The following CNTN1 variants were observed in gnomAD, a reference collection of about 807,000 sequenced individuals.
CNTN1 encodes contactin-1.
A neutral mutation model predicts 126.4 loss-of-function variants in CNTN1; 38 were observed. The observed-to-expected ratio is 0.30, with a 90% CI of 0.23 to 0.39. The LOEUF (loss-of-function observed/expected upper bound fraction) is 0.39, where lower values mean the gene tolerates loss of function less well. CNTN1 is among the 10% of genes least tolerant of loss of function. CNTN1 has a pLI of 1.00. For synonymous variants in CNTN1, 413 were observed against 422.6 expected (o/e 0.98, Z 0.28); for missense variants, 1,009 against 1,248.4 (o/e 0.81, Z 2.89).
intron 1 of CNTN1, among the ~76,000 whole-genome samples, chr12:40,789,737 C>G (rs1024926074): frequency 6.6e-6 from 1 of 152,078 alleles, no homozygotes; most frequent in African/African-American, 2.4e-5. Context: ...GAATTTTGAA[C>G]TTTTCCATGT....
intron 1 of CNTN1, among the ~76,000 whole-genome samples, chr12:40,761,887 GGATAACT>G (rs1359945911): frequency 1.3e-5 from 2 of 151,894 alleles, no homozygotes; most frequent in Non-Finnish European, 2.9e-5. Context: ...TGGCAATGCA[GGATAACT>G]GATTTCTCTG....
At chr12:40,762,370 G>A (rs1022641590) in intron 1 of CNTN1, among the ~76,000 whole-genome samples, 1 of 123,196 alleles carries the variant, frequency 8.1e-6, no homozygotes, top group African/African-American at 3.0e-5. Flanking sequence ...AAATCATGAT[G>A]ATAAGACAAG....
intron 23 of CNTN1, among the ~76,000 whole-genome samples, chr12:41,050,319 G>C (rs1317642753): frequency 6.6e-6 from 1 of 152,176 alleles, no homozygotes; most frequent in East Asian, 1.9e-4. Context: ...AAAGAAAAGA[G>C]GTTTAATTGA....
intron 1 of CNTN1, among the ~76,000 whole-genome samples, chr12:40,838,115 T>C (rs1221913746): frequency 6.6e-6 from 1 of 152,190 alleles, no homozygotes; most frequent in Non-Finnish European, 1.5e-5. Context: ...CAGCCCGGCA[T>C]TGCATCTGCA....
rs561513009 is a variant in CNTN1 at position 40,869,252 on chromosome 12, C to T, written c.-76-39105C>T. Among the ~76,000 whole-genome samples, 74 of 150,094 alleles carry T rather than the reference C, an allele frequency of 4.9e-4. 1 individual carries two copies. In the South Asian group the frequency reaches 8.7e-3, roughly 18 times the overall value. ...GAAAAAAAATAAGGATGACAGGATACTAGATCCATCATTTCATTCCTCTTT... is the reference window on the plus strand; with the variant it reads ...GAAAAAAAATAAGGATGACAGGATATTAGATCCATCATTTCATTCCTCTTT... On this transcript the variant is annotated intron_variant, in intron 1 of 23. Transcript: ENST00000551295.
At chr12:40,956,242 C>A (rs1022788228) in intron 14 of CNTN1, among the ~76,000 whole-genome samples, 4 of 151,986 alleles carry the variant, frequency 2.6e-5, no homozygotes, top group Admixed American at 1.3e-4. Flanking sequence ...GAGAAGACAG[C>A]GCATACAGCT....
At chr12:40,993,889 G>C (rs2120513420) in intron 17 of CNTN1, among the ~76,000 whole-genome samples, 1 of 152,196 alleles carries the variant, frequency 6.6e-6, no homozygotes, top group Non-Finnish European at 1.5e-5. Context: ...TTCTAGATAT[G>C]ATCTTAAGTA....
At chr12:40,715,378 G>C (rs961440368) in intron 1 of CNTN1, among the ~76,000 whole-genome samples, 1 of 152,076 alleles carries the variant, frequency 6.6e-6, no homozygotes, top group African/African-American at 2.4e-5. Context: ...ATTAATGGGA[G>C]AAAAGAACAA....
chr12:41,032,979 G>A (rs1335336540), intron 23 of CNTN1, among the ~76,000 whole-genome samples: 1 of 152,084 alleles, frequency 6.6e-6, no homozygotes, highest in African/African-American at 2.4e-5. Flanking sequence ...AATAACTTGG[G>A]CAACTTAAAA....
chr12:41,051,517 A>C (rs1949681736), intron 23 of CNTN1, among the ~76,000 whole-genome samples: 1 of 151,764 alleles, frequency 6.6e-6, no homozygotes, highest in Non-Finnish European at 1.5e-5. Context: ...ATTGGCTTAG[A>C]CTGAGGGCAA....
At position 40,902,686 on chromosome 12, in the gene CNTN1, C is replaced by T. The variant is rs79308179; in HGVS notation, c.-76-5671C>T. ...GTAAATGATTGTCTAATCATCAGTG[C>T]GATGAAAAGCTAGTTTCATTTGTCA... On this transcript the variant is annotated intron_variant, in intron 1 of 23. Coordinates refer to ENST00000551295, the MANE Select transcript of CNTN1 (RefSeq NM_001843.4). 8.8e-3 allele frequency among the ~76,000 whole-genome samples: 1,339 copies of T among 152,058 alleles called. 17 individuals carry two copies. The highest frequency in any genetic ancestry group is 0.031 in the African/African-American group (1,272 of 41,486).
Position 40,906,669 on chromosome 12 carries a change from C to CTTTTTTTTTTTTTTTTTTT in CNTN1, c.-76-1679_-76-1678insTTTTTTTTTTTTTTTTTTT, listed in dbSNP as rs111442544. ...TTTCCTTTTAAAATTGTTTTTCATG[C>CTTTTTTTTTTTTTTTTTTT]TTTTTTTTTGTTTTGTTTTTTTTGA... On this transcript the variant is annotated intron_variant, in intron 1 of 23. Coordinates refer to ENST00000551295, the MANE Select transcript of CNTN1 (RefSeq NM_001843.4). Among the ~76,000 whole-genome samples the CTTTTTTTTTTTTTTTTTTT allele has an allele frequency of 7.9e-4, 85 of 107,146 alleles. 1 individual carries two copies. The highest frequency in any genetic ancestry group is 1.1e-3 in the South Asian group (4 of 3,554). 70.3% of individuals were successfully genotyped at this position (107,146 alleles called of 152,430 possible). A position where few individuals can be genotyped will look rare whatever the true frequency, so the allele number is the denominator to read the frequency against.
chr12:40,973,787 C>T (rs553953013), intron 15 of CNTN1, among the ~76,000 whole-genome samples: 2 of 152,202 alleles, frequency 1.3e-5, no homozygotes, highest in South Asian at 4.1e-4. Context: ...GTTAGGGCTA[C>T]TATCTAAGTA....
rs1483871595 is a variant in CNTN1 at position 41,056,991 on chromosome 12, ATAT to A, written c.2981-12964_2981-12962del. Among the ~76,000 whole-genome samples, 37 of 97,238 alleles carry A rather than the reference ATAT, an allele frequency of 3.8e-4. 2 individuals carry two copies. The highest frequency in any genetic ancestry group is 1.1e-3 in the African/African-American group (22 of 19,140). 63.8% of individuals were successfully genotyped at this position (97,238 alleles called of 152,430 possible). ...ATTATAAATATTTAGATATTTATAA[ATAT>A]TATAAATATTTAGATATTTATAAAT... On this transcript the variant is annotated intron_variant, in intron 23 of 23. Transcript: ENST00000551295.
At chr12:40,860,663 T>TA (rs1323850685) in intron 1 of CNTN1, among the ~76,000 whole-genome samples, 1 of 152,122 alleles carries the variant, frequency 6.6e-6, no homozygotes, top group Non-Finnish European at 1.5e-5. Context: ...AGGAGATATG[T>TA]AGGGCAAGTA....
intron 19 of CNTN1, among the ~76,000 whole-genome samples, chr12:41,017,319 C>G (rs1389738509): frequency 1.3e-5 from 2 of 150,788 alleles, no homozygotes; most frequent in Admixed American, 6.6e-5. Context: ...TGCCTGTAAT[C>G]CCAGCACTTT....
At chr12:40,700,000 A>G (rs1352178802) in intron 1 of CNTN1, among the ~76,000 whole-genome samples, 2 of 152,212 alleles carry the variant, frequency 1.3e-5, no homozygotes, top group African/African-American at 4.8e-5. Context: ...TTACCTATAT[A>G]GGGTTTTTAC....
chr12:40,707,279 C>T (rs1258733502), intron 1 of CNTN1, among the ~76,000 whole-genome samples: 1 of 120,880 alleles, frequency 8.3e-6, no homozygotes, highest in African/African-American at 3.6e-5. Context: ...GACGGAGTCT[C>T]GCTCCATCGC....
Position 40,740,939 on chromosome 12 carries a change from T to C in CNTN1, c.-77+48347T>C, listed in dbSNP as rs577527910. ...TGTGGAACTGTGAAGTCATTATACC[T>C]CTTTTTCCTTATCAATTATTCAGTC... On this transcript the variant is annotated intron_variant, in intron 1 of 23. Coordinates refer to ENST00000551295, the MANE Select transcript of CNTN1 (RefSeq NM_001843.4). Among the ~76,000 whole-genome samples, 25 of 152,206 alleles carry C rather than the reference T, an allele frequency of 1.6e-4. No homozygotes were observed. The East Asian group carries it at 4.3e-3, about 26-fold the overall frequency.
Sources: gnomAD v4.1 joint callset for allele counts (sites outside exome capture counted in the v4.1 genomes callset) on GRCh38, gnomAD v4.1.1 for gene constraint, MANE v1.5 for transcripts, NCBI Gene and HGNC (gene_info 2026-07-23, HGNC 2026-07-21) for gene names.